The following DHRS4L2 variants were observed in gnomAD, a reference collection of about 807,000 sequenced individuals.
DHRS4L2 encodes the protein dehydrogenase/reductase SDR family member 4-like 2.
A neutral mutation model predicts 23.9 loss-of-function variants in DHRS4L2; 22 were observed. The ratio of observed to expected loss-of-function variants is 0.92; its 90% confidence interval spans 0.66 to 1.31. The LOEUF is 1.31. Ranked by LOEUF, DHRS4L2 falls within the 40% of genes most tolerant of loss-of-function variation. The probability of loss-of-function intolerance (pLI) is 0.00; values close to 1 mark genes in which losing one functional copy is unlikely to be tolerated. For synonymous variants in DHRS4L2, 141 were observed against 123.7 expected (o/e 1.14, Z -0.93); for missense variants, 385 against 303.3 (o/e 1.27, Z -2.00).
chr14:23,995,204 G>C lies in DHRS4L2; in HGVS notation c.408+71G>C, dbSNP rs1218582604. On this transcript the variant is annotated intron_variant, in intron 3 of 7. Transcript: ENST00000335125. ...TCAGCACAAACTCCATCTGCTTTTA[G>C]AATGCATTTCTCAAGGGCAGTGTAA... 21 of 1,550,640 alleles carry C rather than the reference G, an allele frequency of 1.4e-5. 1 individual carries two copies. Among genetic ancestry groups the C allele is most frequent in the Non-Finnish European group, 1.8e-5 (20 of 1,124,092 alleles).
chr14:23,985,446 C>T (rs570568700), upstream of DHRS4L2, among the ~76,000 whole-genome samples: 1 of 151,694 alleles, frequency 6.6e-6, no homozygotes, highest in East Asian at 1.9e-4. Flanking sequence ...TGACTTGTGT[C>T]AGTGATGCAT....
intron 1 of DHRS4L2, among the ~76,000 whole-genome samples, chr14:23,974,084 A>G (rs553926054): frequency 6.6e-6 from 1 of 151,980 alleles, no homozygotes; most frequent in South Asian, 2.1e-4. Flanking sequence ...AGAACTCAGG[A>G]CTGAAAAACT....
exon 1 of DHRS4L2, chr14:23,969,997 G>A (rs765906913): frequency 4.4e-6 from 2 of 455,102 alleles, no homozygotes; most frequent in South Asian, 3.1e-5. Context: ...AGCCCTCACC[G>A]CCCGGGCTTT....
intron 3 of DHRS4L2, among the ~76,000 whole-genome samples, chr14:23,998,037 G>T (rs1418999102): frequency 1.3e-5 from 2 of 151,904 alleles, no homozygotes; most frequent in African/African-American, 4.8e-5. Flanking sequence ...AATGGATGTT[G>T]TGTTAGCAGG....
At chr14:23,993,367 C>T (rs2034307623) in intron 2 of DHRS4L2, among the ~76,000 whole-genome samples, 1 of 151,692 alleles carries the variant, frequency 6.6e-6, no homozygotes, top group Non-Finnish European at 1.5e-5. Context: ...ATTCCTTCCA[C>T]TGTCTAGAAA....
chr14:24,004,468 C>T, intron 7 of DHRS4L2, 76 bp downstream of exon 7: 1 of 1,520,018 alleles, frequency 6.6e-7, no homozygotes. Context: ...CCACAGCCCG[C>T]TGTCTCAGTC....
chr14:23,986,843 T>G (rs191872518), upstream of DHRS4L2, among the ~76,000 whole-genome samples: 56 of 150,922 alleles, frequency 3.7e-4, 1 homozygote, highest in African/African-American at 1.3e-3. Flanking sequence ...CTGGGAAGGG[T>G]TCCCACAGTG....
At chr14:23,993,385 G>C (rs2034308223) in intron 2 of DHRS4L2, among the ~76,000 whole-genome samples, 1 of 151,672 alleles carries the variant, frequency 6.6e-6, no homozygotes, top group South Asian at 2.1e-4. Context: ...AAACAACTGA[G>C]CTTAGCACCT....
rs781015319 is a variant in DHRS4L2, at chr14:24,006,025, A to G, written c.*162A>G. On this transcript the variant is annotated 3_prime_UTR_variant, in exon 8 of 8. Coordinates refer to ENST00000335125, the MANE Select transcript of DHRS4L2 (RefSeq NM_198083.4). ...AGGACCGGGAGACAGCCCACAGGCC[A>G]GAGTTGGGCTCTAGCTCCTGGTGCT... 1 of 1,601,902 alleles carries G rather than the reference A, an allele frequency of 6.2e-7. No individual in the cohort carries two copies. The highest frequency in any genetic ancestry group is 2.3e-5 in the East Asian group (1 of 43,796).
chr14:23,972,853 T>A (rs1033982047), intron 1 of DHRS4L2, among the ~76,000 whole-genome samples: 1 of 138,712 alleles, frequency 7.2e-6, no homozygotes, highest in African/African-American at 2.8e-5. Context: ...AGAATCTACA[T>A]CATAATTCAG....
intron 3 of DHRS4L2, 78 bp downstream of exon 3, chr14:23,995,211 T>C: frequency 6.6e-7 from 1 of 1,520,206 alleles, no homozygotes; most frequent in Non-Finnish European, 9.1e-7. Context: ...TTAGAATGCA[T>C]TTCTCAAGGG....
intron 1 of DHRS4L2, among the ~76,000 whole-genome samples, chr14:23,981,069 G>C (rs61999785): frequency 0.021 from 3,153 of 151,514 alleles, no homozygotes; most frequent in Middle Eastern, 0.051. Flanking sequence ...CATCATCTCA[G>C]CTCAAAATCT....
At chr14:23,994,453 C>T (rs533570142) in intron 2 of DHRS4L2, among the ~76,000 whole-genome samples, 7 of 151,744 alleles carry the variant, frequency 4.6e-5, no homozygotes, top group East Asian at 1.9e-4. Context: ...TTTAGGATAC[C>T]AAGGCAGGTG....
chr14:23,988,152 T>C (rs1378649877), upstream of DHRS4L2, among the ~76,000 whole-genome samples: 1 of 150,854 alleles, frequency 6.6e-6, no homozygotes, highest in Non-Finnish European at 1.5e-5. Flanking sequence ...CAAATATTTA[T>C]TGAACTAGGA....
upstream of DHRS4L2, among the ~76,000 whole-genome samples, chr14:23,987,896 G>A (rs2034183652): frequency 1.5e-5 from 2 of 131,160 alleles, no homozygotes; most frequent in African/African-American, 6.5e-5. Flanking sequence ...TGTACCATAA[G>A]CCATCCATAT....
At chr14:23,994,799 T>A (rs1227241308) in intron 2 of DHRS4L2, among the ~76,000 whole-genome samples, 1 of 151,658 alleles carries the variant, frequency 6.6e-6, no homozygotes, top group African/African-American at 2.4e-5. Context: ...AGAATGAAGC[T>A]TTTGTTGTCA....
intron 1 of DHRS4L2, among the ~76,000 whole-genome samples, chr14:23,975,863 TCC>T (rs1265837364): frequency 6.6e-6 from 1 of 151,776 alleles, no homozygotes; most frequent in Non-Finnish European, 1.5e-5. Context: ...GGGAAAGGAT[TCC>T]CTATTTAATA....
chr14:23,985,452 T>C (rs997696415), upstream of DHRS4L2, among the ~76,000 whole-genome samples: 1 of 151,646 alleles, frequency 6.6e-6, no homozygotes, highest in Non-Finnish European at 1.5e-5. Context: ...GTGTCAGTGA[T>C]GCATGACTCA....
At chr14:23,975,927 C>T (rs1275163872) in intron 1 of DHRS4L2, among the ~76,000 whole-genome samples, 15 of 151,506 alleles carry the variant, frequency 9.9e-5, no homozygotes, top group African/African-American at 3.2e-4. Context: ...AAACTGCATG[C>T]GTTCCTTACA....
Sources: gnomAD v4.1 joint callset for allele counts (sites outside exome capture counted in the v4.1 genomes callset) on GRCh38, gnomAD v4.1.1 for gene constraint, MANE v1.5 for transcripts, NCBI Gene and HGNC (gene_info 2026-07-23, HGNC 2026-07-21) for gene names.